The following FBXL13 variants were observed in gnomAD, a reference collection of about 807,000 sequenced individuals.
FBXL13 encodes the protein F-box and leucine-rich repeat protein 13.
Under a neutral mutation model 83.6 loss-of-function variants are expected in FBXL13, and 67 were observed. That is an observed-to-expected ratio of 0.80 (90% CI 0.66 to 0.98). The LOEUF is 0.98. Ranked by LOEUF, FBXL13 falls within the 50% of genes least tolerant of loss-of-function variation. The pLI is 0.00. For missense variants in FBXL13, 822 were observed against 866.5 expected, an observed-to-expected ratio of 0.95 and a Z score of 0.64; for synonymous variants, 272 against 299.5, an observed-to-expected ratio of 0.91 and a Z score of 0.95.
intron 2 of FBXL13, among the ~76,000 whole-genome samples, chr7:103,040,234 C>G (rs921132196): frequency 2.0e-5 from 3 of 152,090 alleles, no homozygotes; most frequent in Middle Eastern, 3.4e-3. Flanking sequence ...AAGAAGGCCA[C>G]TACATATTGG....
chr7:103,073,835 CTCTT>C (rs1290775638), intron 1 of FBXL13, among the ~76,000 whole-genome samples: 1 of 152,146 alleles, frequency 6.6e-6, no homozygotes, highest in Non-Finnish European at 1.5e-5. Flanking sequence ...GTAGGACCTC[CTCTT>C]TCTTTCCCTA....
At chr7:102,828,455 G>T (rs1473066178) in intron 18 of FBXL13, among the ~76,000 whole-genome samples, 1 of 152,148 alleles carries the variant, frequency 6.6e-6, no homozygotes. Flanking sequence ...TTAGCCAGCT[G>T]CACTAAGAAA....
chr7:102,949,375 A>G (rs1823053208), intron 8 of FBXL13, among the ~76,000 whole-genome samples: 1 of 152,162 alleles, frequency 6.6e-6, no homozygotes, highest in African/African-American at 2.4e-5. Flanking sequence ...TCACCCAGGT[A>G]TTAAGCCTAG....
At chr7:102,823,535 C>T (rs543210562) in intron 18 of FBXL13, among the ~76,000 whole-genome samples, 2 of 152,214 alleles carry the variant, frequency 1.3e-5, no homozygotes, top group Admixed American at 1.3e-4. Flanking sequence ...ACAGTTTTGC[C>T]CAGATGTCCT....
At chr7:102,833,390 T>C (rs1562924114) in intron 17 of FBXL13, among the ~76,000 whole-genome samples, 1 of 151,982 alleles carries the variant, frequency 6.6e-6, no homozygotes, top group African/African-American at 2.4e-5. Flanking sequence ...CCACCATTTA[T>C]TACCTCTTAA....
intron 17 of FBXL13, among the ~76,000 whole-genome samples, chr7:102,842,676 G>A (rs2129449422): frequency 6.6e-6 from 1 of 152,198 alleles, no homozygotes. Flanking sequence ...CTGGTCATAG[G>A]CCATTGTCGG....
intron 12 of FBXL13, among the ~76,000 whole-genome samples, 199 bp from the exon 14 acceptor site, chr7:102,883,884 G>A (rs771164218): frequency 8.6e-5 from 13 of 151,994 alleles, no homozygotes; most frequent in Non-Finnish European, 1.6e-4. Flanking sequence ...ATTAAATCAC[G>A]TACTAAGAGT....
At chr7:102,826,581 C>G (rs1799653986) in intron 18 of FBXL13, among the ~76,000 whole-genome samples, 1 of 150,302 alleles carries the variant, frequency 6.7e-6, no homozygotes, top group Admixed American at 6.6e-5. Context: ...ACAAAAAATA[C>G]AAAAATTAGC....
At chr7:102,868,338 G>C (rs555108876) in intron 16 of FBXL13, among the ~76,000 whole-genome samples, 1 of 152,178 alleles carries the variant, frequency 6.6e-6, no homozygotes, top group African/African-American at 2.4e-5. Flanking sequence ...GCCTCTGGTA[G>C]CCATTATTCT....
intron 7 of FBXL13, 63 bp from the exon 9 acceptor site, chr7:102,963,728 A>C: frequency 6.7e-7 from 1 of 1,495,808 alleles, no homozygotes; most frequent in South Asian, 1.3e-5. Context: ...TTGCAACAAA[A>C]ACAATAATAG....
At chr7:102,828,180 G>A (rs1263855207) in intron 18 of FBXL13, among the ~76,000 whole-genome samples, 1 of 152,088 alleles carries the variant, frequency 6.6e-6, no homozygotes, top group East Asian at 1.9e-4. Context: ...GGGCAGTATG[G>A]CCATTTTCAC....
At chr7:102,986,918 T>TACATACAC (rs1554491870) in intron 6 of FBXL13, among the ~76,000 whole-genome samples, 2 of 148,292 alleles carry the variant, frequency 1.3e-5, no homozygotes, top group African/African-American at 5.0e-5. Context: ...GAAAATGTGA[T>TACATACAC]ACACACACAC....
intron 19 of FBXL13, among the ~76,000 whole-genome samples, chr7:102,820,218 T>C (rs1798608714): frequency 6.6e-6 from 1 of 152,224 alleles, no homozygotes; most frequent in East Asian, 1.9e-4. Context: ...GGTAGTGGTG[T>C]GGCCTCTTTA....
At position 103,060,020 on chromosome 7, in the gene FBXL13, TTATATATATATATATATATATA is replaced by T. The variant is rs772728840; in HGVS notation, c.-104-4295_-104-4274del. ...CAACAGATAATGATAGCAAGATATT[TTATATATATATATATATATATA>T]TATATATATATATATATATATACTT... On this transcript the variant is annotated intron_variant, in intron 1 of 19. Coordinates refer to ENST00000313221, the Ensembl canonical transcript of FBXL13. 3.7e-3 allele frequency among the ~76,000 whole-genome samples: 185 copies of T among 50,082 alleles called. 5 individuals are homozygous for T. The highest frequency in any genetic ancestry group is 0.021 in the South Asian group (20 of 938). 32.9% of individuals were successfully genotyped at this position (50,082 alleles called of 152,430 possible).
chr7:102,822,368 T>C (rs1798916309), intron 18 of FBXL13, 165 bp from the exon 20 acceptor site: 4 of 742,438 alleles, frequency 5.4e-6, no homozygotes, highest in East Asian at 2.7e-5. Flanking sequence ...AAGACTGAGA[T>C]AAAGATAGAG....
intron 10 of FBXL13, among the ~76,000 whole-genome samples, chr7:102,918,249 T>A (rs1816300715): frequency 6.6e-6 from 1 of 152,230 alleles, no homozygotes; most frequent in South Asian, 2.1e-4. Context: ...CTTTTTTATA[T>A]GGCAAAAAAA....
At chr7:102,812,840 CTTTTT>C (rs908090315), downstream of FBXL13, among the ~76,000 whole-genome samples, 2 of 122,564 alleles carry the variant, frequency 1.6e-5, no homozygotes, top group Admixed American at 8.2e-5. Context: ...GATTTGGCTT[CTTTTT>C]TTTTTTTTTT....
At chr7:103,049,567 C>T (rs1796604175) in intron 2 of FBXL13, among the ~76,000 whole-genome samples, 1 of 152,142 alleles carries the variant, frequency 6.6e-6, no homozygotes, top group African/African-American at 2.4e-5. Context: ...TTTCCATTCA[C>T]CAGTTTTTAA....
At chr7:103,073,857 C>T (rs995520838) in intron 1 of FBXL13, among the ~76,000 whole-genome samples, 7 of 152,178 alleles carry the variant, frequency 4.6e-5, no homozygotes, top group Non-Finnish European at 1.0e-4. Context: ...CTAGACATCT[C>T]TCTCCCTCAT....
Sources: gnomAD v4.1 joint callset for allele counts (sites outside exome capture counted in the v4.1 genomes callset) on GRCh38, gnomAD v4.1.1 for gene constraint, MANE v1.5 for transcripts, NCBI Gene and HGNC (gene_info 2026-07-23, HGNC 2026-07-21) for gene names.